The following PARD3 variants were observed in gnomAD, a reference collection of about 807,000 sequenced individuals.
PARD3 encodes the protein partitioning defective 3 homolog.
A neutral mutation model predicts 155.4 loss-of-function variants in PARD3; 75 were observed. The ratio of observed to expected loss-of-function variants is 0.48; its 90% CI spans 0.40 to 0.58. The LOEUF is 0.58. PARD3 is among the 20% of genes least tolerant of loss of function. The probability of loss-of-function intolerance (pLI) is 0.00; values close to 1 mark genes in which losing one functional copy is unlikely to be tolerated. For missense variants in PARD3, 1,642 were observed against 1,721.7 expected (o/e 0.95, Z 0.82); for synonymous variants, 576 against 610.5 (o/e 0.94, Z 0.83).
At chr10:34,561,429 A>G (rs1186063358) in intron 2 of PARD3, among the ~76,000 whole-genome samples, 1 of 152,230 alleles carries the variant, frequency 6.6e-6, no homozygotes, top group Non-Finnish European at 1.5e-5. Flanking sequence ...CATATTCATT[A>G]AAACTGGGTA....
chr10:34,111,186 T>C lies in PARD3; in HGVS notation c.4045A>G (p.Arg1349Gly). Reference protein sequence around the residue: ...LNRLQTPEKGRPFYS With the variant: ...LNRLQTPEKGGPFYS ...TTGCGTGCTCAGGAATAGAAGGGCC[T>C]CCCTTTCTCAGGAGTCTGAAGTCTG... The change falls in exon 25 of 25, where the codon AGG (arginine) becomes GGG (glycine). Residue 1349 changes from arginine to glycine, a missense_variant. By Grantham distance (125) the Arg-to-Gly change is moderately radical (BLOSUM62 -2). Coordinates refer to ENST00000374788, the MANE Select transcript of PARD3 (RefSeq NM_001184785.2). 6.4e-7 allele frequency: 1 copy of C among 1,556,396 alleles called. No individual in the cohort carries two copies. Among genetic ancestry groups the C allele is most frequent in the East Asian group, 2.3e-5 (1 of 43,886 alleles).
At chr10:34,692,094 T>A (rs1040832372) in intron 2 of PARD3, among the ~76,000 whole-genome samples, 2 of 152,116 alleles carry the variant, frequency 1.3e-5, no homozygotes, top group African/African-American at 2.4e-5. Flanking sequence ...TAGCCAGGCA[T>A]GGTGACGTGC....
chr10:34,626,865 C>A (rs1438289164), intron 2 of PARD3, among the ~76,000 whole-genome samples: 1 of 151,816 alleles, frequency 6.6e-6, no homozygotes, highest in African/African-American at 2.4e-5. Context: ...ATAACCACCA[C>A]GACCCACACC....
intron 14 of PARD3, among the ~76,000 whole-genome samples, chr10:34,355,581 G>A (rs1838708311): frequency 6.6e-6 from 1 of 152,068 alleles, no homozygotes; most frequent in African/African-American, 2.4e-5. Context: ...CCTAACAAGT[G>A]GTTTCAGGCA....
chr10:34,715,526 C>G (rs1481460035), intron 1 of PARD3, among the ~76,000 whole-genome samples: 3 of 152,136 alleles, frequency 2.0e-5, no homozygotes, highest in Admixed American at 1.3e-4. Context: ...CCATCCCTAC[C>G]CCTTCCCTTG....
chr10:34,318,887 T>C (rs1384600376), intron 19 of PARD3, among the ~76,000 whole-genome samples: 1 of 148,846 alleles, frequency 6.7e-6, no homozygotes, highest in African/African-American at 2.5e-5. Context: ...TGCCTCAGCC[T>C]CCCGAGTAGC....
At chr10:34,629,336 T>C (rs2092143066) in intron 2 of PARD3, among the ~76,000 whole-genome samples, 1 of 152,248 alleles carries the variant, frequency 6.6e-6, no homozygotes, top group African/African-American at 2.4e-5. Context: ...GTGATCTCTC[T>C]TTATAGCCCT....
intron 1 of PARD3, among the ~76,000 whole-genome samples, chr10:34,794,607 C>T (rs1045433187): frequency 6.6e-6 from 1 of 152,108 alleles, no homozygotes; most frequent in East Asian, 1.9e-4. Flanking sequence ...CAGTATATTC[C>T]CATAAAGAAA....
intron 19 of PARD3, among the ~76,000 whole-genome samples, chr10:34,326,854 A>C (rs1835082107): frequency 6.6e-6 from 1 of 152,242 alleles, no homozygotes; most frequent in Non-Finnish European, 1.5e-5. Flanking sequence ...TCATGTTTGA[A>C]GACAATGCCT....
rs1044648932 is a variant in PARD3 at position 34,422,826 on chromosome 10, T to C, written c.715-20909A>G. 3.9e-5 allele frequency among the ~76,000 whole-genome samples: 6 copies of C among 152,080 alleles called. No homozygotes were observed. The East Asian group carries it at 7.7e-4, about 20-fold the overall frequency. ...GGACAAAGGGAACCCTTGCATTCTGTTGGTGTGAATATAAATTAGTACGGC... is the reference window on the plus strand; with the variant it reads ...GGACAAAGGGAACCCTTGCATTCTGCTGGTGTGAATATAAATTAGTACGGC... On this transcript the variant is annotated intron_variant, in intron 5 of 24. Coordinates refer to ENST00000374788, the MANE Select transcript of PARD3 (RefSeq NM_001184785.2).
chr10:34,142,618 C>T (rs1033070458), intron 22 of PARD3, among the ~76,000 whole-genome samples: 21 of 150,008 alleles, frequency 1.4e-4, no homozygotes, highest in African/African-American at 4.9e-4. Flanking sequence ...GAAGGAAAGA[C>T]GGATGGAAGG....
At chr10:34,244,373 T>A (rs771232489) in intron 22 of PARD3, among the ~76,000 whole-genome samples, 1 of 152,170 alleles carries the variant, frequency 6.6e-6, no homozygotes, top group Non-Finnish European at 1.5e-5. Flanking sequence ...TAGTGCCCAG[T>A]CTTGCCTGAA....
chr10:34,779,838 G>A (rs1018808394), intron 1 of PARD3, among the ~76,000 whole-genome samples: 3 of 152,182 alleles, frequency 2.0e-5, no homozygotes, highest in East Asian at 1.9e-4. Flanking sequence ...GACATCCAAC[G>A]TGGCACTTTC....
At chr10:34,349,455 T>C (rs1450165810) in intron 14 of PARD3, among the ~76,000 whole-genome samples, 3 of 151,874 alleles carry the variant, frequency 2.0e-5, no homozygotes, top group African/African-American at 7.3e-5. Flanking sequence ...TTTTTTAAAA[T>C]TGTAGATTAC....
chr10:34,468,334 A>C (rs1589684191), intron 4 of PARD3, among the ~76,000 whole-genome samples: 1 of 152,250 alleles, frequency 6.6e-6, no homozygotes, highest in African/African-American at 2.4e-5. Flanking sequence ...GTTTGCTGCA[A>C]CTGAAACGGA....
At chr10:34,419,893 T>C (rs1167176515) in intron 5 of PARD3, among the ~76,000 whole-genome samples, 1 of 152,240 alleles carries the variant, frequency 6.6e-6, no homozygotes, top group Non-Finnish European at 1.5e-5. Context: ...CTTAACAACA[T>C]GACTTGCAAA....
Position 34,148,665 on chromosome 10 carries a change from G to A in PARD3, c.3420-17082C>T, listed in dbSNP as rs183864385. Among the ~76,000 whole-genome samples the A allele has an allele frequency of 1.2e-3, 189 of 152,236 alleles. 1 individual carries two copies. The highest frequency in any genetic ancestry group is 0.01 in the Middle Eastern group (3 of 294). ...ATCATACAGAACATTTAATGAAGTT[G>A]AAGATGTTTTCCATAGAGATAAATT... On this transcript the variant is annotated intron_variant, in intron 22 of 24. Coordinates refer to ENST00000374788, the MANE Select transcript of PARD3 (RefSeq NM_001184785.2).
At chr10:34,429,210 T>C (rs1488043519) in intron 5 of PARD3, among the ~76,000 whole-genome samples, 2 of 152,146 alleles carry the variant, frequency 1.3e-5, no homozygotes, top group African/African-American at 4.8e-5. Flanking sequence ...TGAATTTTTA[T>C]ATCCCATGTA....
chr10:34,529,393 G>A lies in PARD3; in HGVS notation c.223-12234C>T, dbSNP rs2082687005. 2.0e-5 allele frequency among the ~76,000 whole-genome samples: 3 copies of A among 152,178 alleles called. No homozygotes were observed. In the South Asian group the frequency reaches 6.2e-4, roughly 32 times the overall value. ...AAACTAGGGAAAGAAAAGTAGCATG[G>A]AATAGCTGGATCAGCAGTACTCAAC... On this transcript the variant is annotated intron_variant, in intron 2 of 24. Coordinates refer to ENST00000374788, the MANE Select transcript of PARD3 (RefSeq NM_001184785.2).
Sources: allele counts gnomAD v4.1 joint callset (sites outside exome capture counted in the v4.1 genomes callset), GRCh38; gene constraint gnomAD v4.1.1; transcripts MANE v1.5; gene names NCBI Gene and HGNC (gene_info 2026-07-23, HGNC 2026-07-21).